Variants in ZFAND4 observed in about 807,000 individuals in gnomAD.
ZFAND4 encodes the protein AN1-type zinc finger protein 4.
A neutral mutation model predicts 64.4 loss-of-function variants in ZFAND4; 43 were observed. The observed-to-expected ratio is 0.67, with a 90% CI of 0.52 to 0.86. The LOEUF is 0.86. ZFAND4 is among the 40% of genes least tolerant of loss of function. ZFAND4 has a pLI of 0.00. For missense variants in ZFAND4, 929 were observed against 859.8 expected (o/e 1.08, Z -1.01); for synonymous variants, 296 against 305.7 (o/e 0.97, Z 0.33).
chr10:45,638,723 A>C (rs2046791105), intron 6 of ZFAND4, among the ~76,000 whole-genome samples: 1 of 152,208 alleles, frequency 6.6e-6, no homozygotes, highest in Non-Finnish European at 1.5e-5. Context: ...AAGGAAAAGA[A>C]AGAAGCAAAT....
intron 1 of ZFAND4, among the ~76,000 whole-genome samples, chr10:45,668,696 G>A (rs1321935186): frequency 6.6e-6 from 1 of 152,182 alleles, no homozygotes; most frequent in Non-Finnish European, 1.5e-5. Flanking sequence ...ACAACAAACT[G>A]TCTCTCAGAC....
At chr10:45,670,225 ATT>A (rs202120323) in intron 1 of ZFAND4, among the ~76,000 whole-genome samples, 1,877 of 138,440 alleles carry the variant, frequency 0.014, 34 homozygotes, top group East Asian at 0.053. Flanking sequence ...CAACTATCTG[ATT>A]TTTTTTTTTT....
At chr10:45,634,666 G>A (rs1386790880) in intron 6 of ZFAND4, among the ~76,000 whole-genome samples, 1 of 152,054 alleles carries the variant, frequency 6.6e-6, no homozygotes, top group Admixed American at 6.6e-5. Flanking sequence ...GGAGAAATCA[G>A]ACAAGAGAAA....
chr10:45,659,329 A>G (rs563728003), intron 2 of ZFAND4, among the ~76,000 whole-genome samples: 1 of 152,320 alleles, frequency 6.6e-6, no homozygotes, highest in South Asian at 2.1e-4. Context: ...GTATAACAAC[A>G]GTGGATTACA....
rs539762909 is a variant in ZFAND4, at chr10:45,626,597, G to C, written c.1226C>G (p.Ala409Gly). 2 of 1,614,194 alleles carry C rather than the reference G, an allele frequency of 1.2e-6. No homozygotes were observed. Among genetic ancestry groups the C allele is most frequent in the South Asian group, 1.1e-5 (1 of 91,084 alleles). ...GSLASFAEGN[A>G]DEQSSGLEGA... ...TTCTAAGCCGCTGCTCTGTTCATCAGCATTTCCTTCTGCAAATGAAGCCAG... is the reference window on the plus strand; with the variant it reads ...TTCTAAGCCGCTGCTCTGTTCATCACCATTTCCTTCTGCAAATGAAGCCAG... Residue 409 changes from alanine to glycine, a missense_variant, in exon 7 of 10, where the codon GCT becomes GGT. Ala to Gly is a moderately conservative substitution (Grantham distance 60). Transcript: ENST00000344646.
chr10:45,654,486 G>T (rs976123394), intron 2 of ZFAND4, among the ~76,000 whole-genome samples: 31 of 152,028 alleles, frequency 2.0e-4, no homozygotes, highest in African/African-American at 6.5e-4. Flanking sequence ...AGGCATAGTG[G>T]CAGGCGCCTG....
chr10:45,643,302 G>T (rs746139086), intron 5 of ZFAND4, among the ~76,000 whole-genome samples: 1 of 151,744 alleles, frequency 6.6e-6, no homozygotes, highest in Non-Finnish European at 1.5e-5. Flanking sequence ...TCTGCACATC[G>T]CAAAGCCAAG....
At chr10:45,636,964 T>C (rs2046637625) in intron 6 of ZFAND4, among the ~76,000 whole-genome samples, 1 of 151,082 alleles carries the variant, frequency 6.6e-6, no homozygotes, top group Admixed American at 6.6e-5. Context: ...GAAGAAAGGA[T>C]GTTTTTTCTT....
At chr10:45,624,666 AG>A (rs750405276) in intron 7 of ZFAND4, 29 bp from the exon 8 acceptor site, 14 of 1,579,132 alleles carry the variant, frequency 8.9e-6, no homozygotes, top group Non-Finnish European at 1.2e-5. Flanking sequence ...ACATCTATAG[AG>A]GTGAGTCAAT....
At chr10:45,616,672 T>TTTGGTTC in intron 9 of ZFAND4, 101 bp from the exon 10 acceptor site, 1 of 1,225,190 alleles carries the variant, frequency 8.2e-7, no homozygotes, top group South Asian at 1.5e-5. Flanking sequence ...ACAGGGGCCC[T>TTTGGTTC]TTGGTTCTTT....
intron 6 of ZFAND4, among the ~76,000 whole-genome samples, chr10:45,629,034 T>C (rs577682098): frequency 1.3e-5 from 2 of 151,634 alleles, no homozygotes; most frequent in Non-Finnish European, 2.9e-5. Flanking sequence ...AGATATGGGA[T>C]ATCAAACACA....
intron 1 of ZFAND4, among the ~76,000 whole-genome samples, chr10:45,667,458 C>CCTTTTTTTTTTTTTTTTTTTTTTTTT (rs1564639790): frequency 1.1e-5 from 1 of 90,662 alleles, no homozygotes. Context: ...TCTTTTCTTT[C>CCTTTTTTTTTTTTTTTTTTTTTTTTT]TTTTTTTTTT....
rs181076632 is a variant in ZFAND4 at position 45,617,167 on chromosome 10, G to A, written c.2049-596C>T. On this transcript the variant is annotated intron_variant, in intron 9 of 9. Transcript: ENST00000344646. ...CAAAAAGCTGATAAATATGCCCATC[G>A]TTTCTCTTATACCTAGTAAACCTAA... Among the ~76,000 whole-genome samples the A allele has an allele frequency of 1.1e-4, 17 of 151,434 alleles. No individual in the cohort carries two copies. In the East Asian group the frequency reaches 3.3e-3, roughly 29 times the overall value.
chr10:45,656,501 C>CAAAAAAAAAAAAAAAAAAAAAAAAAAAA (rs541781976), intron 2 of ZFAND4, among the ~76,000 whole-genome samples: 1 of 24,700 alleles, frequency 4.0e-5, no homozygotes. Context: ...GAACCTGTCT[C>CAAAAAAAAAAAAAAAAAAAAAAAAAAAA]AAAAAAAAAA....
chr10:45,657,249 T>C (rs573537710), intron 2 of ZFAND4, among the ~76,000 whole-genome samples: 13 of 152,164 alleles, frequency 8.5e-5, no homozygotes, highest in Non-Finnish European at 1.8e-4. Context: ...CTCCTGGACT[T>C]GAGTGATCCA....
chr10:45,648,399 G>C lies in ZFAND4; in HGVS notation c.464C>G (p.Pro155Arg). 6.2e-7 allele frequency: 1 copy of C among 1,613,994 alleles called. No homozygotes were observed. The change falls in exon 5 of 10, where the codon CCT (proline) becomes CGT (arginine). Residue 155 changes from proline to arginine, a missense_variant. Physicochemically the swap from Pro to Arg is moderately radical, Grantham distance 103. Transcript: ENST00000344646. ...AGTGCCATCTCCCCTATCTACTGCA[G>C]GAAAGAAATTCAATTGATCTCCTTC... is the stretch of plus-strand genomic sequence containing the variant. Reference protein sequence around the residue: ...YQEGDQLNFFPAVDRGDGTLT... With the variant: ...YQEGDQLNFFRAVDRGDGTLT...
intron 6 of ZFAND4, among the ~76,000 whole-genome samples, chr10:45,633,236 A>G (rs2046343215): frequency 6.6e-6 from 1 of 152,068 alleles, no homozygotes; most frequent in South Asian, 2.1e-4. Context: ...AAAAACTTTA[A>G]TAAGGTCTAT....
chr10:45,625,493 A>AG (rs2045746779), intron 7 of ZFAND4, among the ~76,000 whole-genome samples: 1 of 151,572 alleles, frequency 6.6e-6, no homozygotes, highest in Admixed American at 6.6e-5. Flanking sequence ...AAAAAAAAAA[A>AG]AGGGAGAGAG....
intron 2 of ZFAND4, among the ~76,000 whole-genome samples, chr10:45,660,459 G>A (rs2048396854): frequency 6.6e-6 from 1 of 152,096 alleles, no homozygotes; most frequent in African/African-American, 2.4e-5. Context: ...TTCAAAAGGT[G>A]CCACTAGAAT....
Sources: gnomAD v4.1 joint callset for allele counts (sites outside exome capture counted in the v4.1 genomes callset) on GRCh38, gnomAD v4.1.1 for gene constraint, MANE v1.5 for transcripts, NCBI Gene and HGNC (gene_info 2026-07-23, HGNC 2026-07-21) for gene names.